NLRP5: variants seen among roughly 807,000 people sequenced by gnomAD.
The protein encoded by NLRP5 is NLR family pyrin domain containing 5, also known as NACHT, LRR and PYD domains-containing protein 5.
In NLRP5, 93 loss-of-function variants were observed where a neutral mutation model predicts 113.1. That is an observed-to-expected ratio of 0.82 (90% CI 0.70 to 0.98). The LOEUF is 0.98. Ranked by LOEUF, NLRP5 falls within the 50% of genes least tolerant of loss-of-function variation. The probability of loss-of-function intolerance (pLI) is 0.00; values close to 1 mark genes in which losing one functional copy is unlikely to be tolerated. For synonymous variants in NLRP5, 751 were observed against 600.7 expected (o/e 1.25, Z -3.66); for missense variants, 1,808 against 1,514.3 (o/e 1.19, Z -3.22).
At chr19:56,007,889 G>GTGTGTGTGTGCA (rs748749686) in intron 2 of NLRP5, among the ~76,000 whole-genome samples, 1 of 86,292 alleles carries the variant, frequency 1.2e-5, no homozygotes, top group African/African-American at 4.5e-5. Context: ...GTGTGTGTGT[G>GTGTGTGTGTGCA]CGCGTGCGCG....
intron 11 of NLRP5, among the ~76,000 whole-genome samples, chr19:56,047,969 T>C (rs1173572903): frequency 6.6e-6 from 1 of 152,244 alleles, no homozygotes; most frequent in Non-Finnish European, 1.5e-5. Flanking sequence ...TATATAATTA[T>C]ATAATGTCCC....
At chr19:55,999,689 C>A (rs368099757), upstream of NLRP5, 4 of 1,496,226 alleles carry the variant, frequency 2.7e-6, no homozygotes, top group African/African-American at 1.4e-5. Flanking sequence ...GAGAGCCCAG[C>A]CTTCGATGTT....
intron 2 of NLRP5, among the ~76,000 whole-genome samples, chr19:56,005,249 A>G (rs1568481565): frequency 8.0e-6 from 1 of 124,244 alleles, no homozygotes; most frequent in Non-Finnish European, 1.7e-5. Flanking sequence ...ATACACACAT[A>G]TATATTTATA....
intron 2 of NLRP5, among the ~76,000 whole-genome samples, chr19:56,006,264 G>A (rs1367128258): frequency 2.0e-5 from 3 of 152,096 alleles, no homozygotes; most frequent in Non-Finnish European, 4.4e-5. Context: ...ATCACACACC[G>A]GGGTCTGTTG....
rs373441010 is a variant in NLRP5 at position 56,041,031 on chromosome 19, G to A, written c.2896G>A (p.Glu966Lys). The A allele has an allele frequency of 9.9e-6, 16 of 1,613,996 alleles. No homozygotes were observed. Among genetic ancestry groups the A allele is most frequent in the Middle Eastern group, 1.6e-4 (1 of 6,062 alleles). ...CCTATCCAACAACAGCCTGGGGAAC[G>A]AAGGTGTAAATCTACTGTGTCGATC... The change falls in exon 11 of 15, where the codon GAA (glutamate) becomes AAA (lysine). Residue 966 changes from glutamate (E) to lysine (K), a missense_variant. Transcript: ENST00000390649.
intron 3 of NLRP5, among the ~76,000 whole-genome samples, chr19:56,011,872 G>A (rs1042598950): frequency 1.3e-5 from 2 of 151,386 alleles, no homozygotes; most frequent in Non-Finnish European, 2.9e-5. Flanking sequence ...TTGTGTATTT[G>A]GTAAAGATGG....
rs368367207 is a variant in NLRP5, at chr19:56,027,145, G to T, written c.912G>T (p.Ala304=). Residue 304 remains alanine, a synonymous_variant, in exon 7 of 15, where the codon GCG becomes GCT. Transcript: ENST00000390649. ...CCAGAAGGATCGTGCTGTGCTGGGC[G>T]CAAGGTGGACTCTACCAGGGAATGT... is the stretch of plus-strand genomic sequence containing the variant. 2.5e-6 allele frequency: 4 copies of T among 1,600,336 alleles called. No individual in the cohort carries two copies. Among genetic ancestry groups the T allele is most frequent in the South Asian group, 1.1e-5 (1 of 88,562 alleles).
rs373414172 is a variant in NLRP5, at chr19:56,027,589, A to T, written c.1356A>T (p.Thr452=). 4.3e-6 allele frequency: 7 copies of T among 1,613,968 alleles called. No individual in the cohort carries two copies. In the Admixed American group the frequency reaches 8.3e-5, roughly 19 times the overall value. ...GCGGGATTGGTGAGCATCAGAAGAC[A>T]CAAGGGTTGCGTGCGATCATGAACA... The change falls in exon 7 of 15, where the codon ACA becomes ACT. Residue 452 remains threonine (T), a synonymous_variant. Transcript: ENST00000390649.
rs1286965916 is a variant in NLRP5 at position 56,028,141 on chromosome 19, C to T, written c.1908C>T (p.Phe636=). ...TCCACTCGCTTTGGATGAAGCGTTT[C>T]TTGTTTGGCCTCGTGAGCGAAGACG... The change falls in exon 7 of 15, where the codon TTC becomes TTT. Residue 636 remains phenylalanine, a synonymous_variant. Transcript: ENST00000390649. The T allele has an allele frequency of 6.2e-7, 1 of 1,613,882 alleles. No individual in the cohort carries two copies. The highest frequency in any genetic ancestry group is 8.5e-7 in the Non-Finnish European group (1 of 1,179,904).
the NLRP5 span, among the ~76,000 whole-genome samples, chr19:55,992,835 A>G: frequency 7.1e-6 from 1 of 140,100 alleles, no homozygotes; most frequent in Admixed American, 7.4e-5. Flanking sequence ...TTGACACATA[A>G]CTGTACATAT....
chr19:56,059,739 T>C (rs776097832), intron 14 of NLRP5, among the ~76,000 whole-genome samples: 36 of 152,304 alleles, frequency 2.4e-4, no homozygotes, highest in Non-Finnish European at 4.6e-4. Context: ...TTCACCAGGC[T>C]GGTCTCAAAT....
At chr19:56,008,881 G>A (rs1413376626) in intron 3 of NLRP5, 28 bp downstream of exon 3, 2 of 1,600,250 alleles carry the variant, frequency 1.2e-6, no homozygotes, top group South Asian at 1.1e-5. Context: ...GGGGGAAATA[G>A]GATGTGCTTA....
the NLRP5 span, among the ~76,000 whole-genome samples, chr19:55,990,079 C>CTTTTCTTTTCTTTTTTTTTTTTTT: frequency 1.0e-5 from 1 of 95,958 alleles, no homozygotes; most frequent in Non-Finnish European, 2.0e-5. Context: ...TTTCTTTTTT[C>CTTTTCTTTTCTTTTTTTTTTTTTT]TTTTTTTTTT....
At chr19:55,997,789 GA>G, upstream of NLRP5, among the ~76,000 whole-genome samples, 1 of 151,976 alleles carries the variant, frequency 6.6e-6, no homozygotes, top group East Asian at 1.9e-4. Context: ...CTTGACCCCA[GA>G]AGGCAGCAGT....
intron 1 of NLRP5, among the ~76,000 whole-genome samples, chr19:56,001,441 C>T (rs1430094121): frequency 5.9e-5 from 2 of 33,770 alleles, no homozygotes; most frequent in African/African-American, 2.2e-4. Flanking sequence ...TTCTGACTCT[C>T]CTAATTACTT....
At chr19:55,999,633 C>A, upstream of NLRP5, 1 of 957,434 alleles carries the variant, frequency 1.0e-6, no homozygotes, top group Non-Finnish European at 1.7e-6. Flanking sequence ...TGAAACCTCA[C>A]AGTAACCCTT....
In NLRP5 at chr19:56,050,491, A is replaced by C; in HGVS notation, c.3031A>C (p.Thr1011Pro). 6.2e-7 allele frequency: 1 copy of C among 1,613,832 alleles called. No homozygotes were observed. Among genetic ancestry groups the C allele is most frequent in the East Asian group, 2.2e-5 (1 of 44,866 alleles). The change falls in exon 12 of 15, where the codon ACG (threonine) becomes CCG (proline). Residue 1011 changes from threonine to proline, a missense_variant. Coordinates refer to ENST00000390649, the MANE Select transcript of NLRP5 (RefSeq NM_153447.4). ...TGCGCTTATGGGTAACTCATGGCTG[A>C]CGCACCTGAGCCTTAGCATGAACCC...
At chr19:55,991,218 G>A in the NLRP5 span, among the ~76,000 whole-genome samples, 1 of 151,882 alleles carries the variant, frequency 6.6e-6, no homozygotes. Context: ...TCATTATTTG[G>A]GGGCTAAATG....
chr19:56,059,319 C>G (rs1036987315), intron 14 of NLRP5, among the ~76,000 whole-genome samples: 2 of 152,182 alleles, frequency 1.3e-5, no homozygotes, highest in Non-Finnish European at 1.5e-5. Flanking sequence ...AAGTTTCTTT[C>G]ATGACAAAGT....
Sources: allele counts gnomAD v4.1 joint callset (sites outside exome capture counted in the v4.1 genomes callset), GRCh38; gene constraint gnomAD v4.1.1; transcripts MANE v1.5; gene names NCBI Gene and HGNC (gene_info 2026-07-23, HGNC 2026-07-21).